SVOPL: variants seen among roughly 807,000 people sequenced by gnomAD.
The protein encoded by SVOPL is SVOP like.
A neutral mutation model predicts 61.0 loss-of-function variants in SVOPL; 60 were observed. The ratio of observed to expected loss-of-function variants is 0.98; its 90% CI spans 0.80 to 1.22. The LOEUF (loss-of-function observed/expected upper bound fraction) is 1.22, where lower values mean the gene tolerates loss of function less well. Among genes scored for constraint, SVOPL ranks in the 50% most tolerant of loss-of-function variants. The probability of loss-of-function intolerance (pLI) is 0.00; values close to 1 mark genes in which losing one functional copy is unlikely to be tolerated. For synonymous variants in SVOPL, 279 were observed against 250.0 expected (o/e 1.12, Z -1.09); for missense variants, 662 against 643.9 (o/e 1.03, Z -0.30).
chr7:138,644,938 C>T, intron 8 of SVOPL, 93 bp from the exon 9 acceptor site: 1 of 1,491,060 alleles, frequency 6.7e-7, no homozygotes, highest in Non-Finnish European at 9.2e-7. Context: ...GTCCTAGTTT[C>T]CCAAGATAGG....
intron 4 of SVOPL, among the ~76,000 whole-genome samples, chr7:138,663,917 C>A (rs1802127783): frequency 1.3e-5 from 2 of 152,118 alleles, no homozygotes; most frequent in Admixed American, 1.3e-4. Flanking sequence ...TGCTTTTTTT[C>A]TCCTTCCTTC....
rs867578648 is a variant in SVOPL, at chr7:138,622,274, C to G, written c.1264-1139G>C. ...TCTATGTATCTATCTATCTATGTAT[C>G]TATCTATCTATCTATCTATCTATCT... On this transcript the variant is annotated intron_variant, in intron 13 of 15. Transcript: ENST00000674285. Among the ~76,000 whole-genome samples the G allele has an allele frequency of 6.1e-4, 63 of 103,540 alleles. 1 individual carries two copies. Among genetic ancestry groups the G allele is most frequent in the East Asian group, 1.7e-3 (7 of 4,110 alleles). The allele number at this position is 103,540 out of a possible 152,430, so 67.9% of individuals were successfully genotyped here.
At chr7:138,621,822 G>GTATCTATGTATCTATCTATGTATCTATC (rs1563095368) in intron 13 of SVOPL, among the ~76,000 whole-genome samples, 3 of 13,430 alleles carry the variant, frequency 2.2e-4, no homozygotes, top group Non-Finnish European at 4.2e-4. Context: ...ATGTATCTAT[G>GTATCTATGTATCTATCTATGTATCTATC]TATCTATGTA....
chr7:138,622,134 C>CTATG (rs1563096350), intron 13 of SVOPL, among the ~76,000 whole-genome samples: 45 of 72,524 alleles, frequency 6.2e-4, no homozygotes, highest in Non-Finnish European at 1.1e-3. Flanking sequence ...ATCTATCTAT[C>CTATG]TATGTATCTA....
intron 14 of SVOPL, among the ~76,000 whole-genome samples, chr7:138,599,159 C>CAAAAAAAAAAAAAAA (rs1336279820): frequency 2.4e-5 from 2 of 82,736 alleles, no homozygotes; most frequent in Admixed American, 1.2e-4. Context: ...AAAAAAAAAC[C>CAAAAAAAAAAAAAAA]AAAAAAAAAA....
chr7:138,621,098 G>A lies in SVOPL; in HGVS notation c.1301C>T (p.Thr434Ile). 6.2e-7 allele frequency: 1 copy of A among 1,613,738 alleles called. No individual in the cohort carries two copies. The highest frequency in any genetic ancestry group is 8.5e-7 in the Non-Finnish European group (1 of 1,179,884). The part of the protein sequence containing the change: ...PTTMRALGMG[T>I]SGSLCRIGAM... ...ACCAATGCGACACAGGGAGCCGCTG[G>A]TTCCCATCCCCAAAGCGCGCATCGT... Residue 434 changes from threonine to isoleucine, a missense_variant, in exon 14 of 16, where the codon ACC (threonine) becomes ATC (isoleucine). Coordinates refer to ENST00000674285, the MANE Select transcript of SVOPL (RefSeq NM_001139456.2).
At chr7:138,650,501 C>T (rs6956225) in intron 7 of SVOPL, among the ~76,000 whole-genome samples, 27,518 of 151,132 alleles carry the variant, frequency 0.18, 2,866 homozygotes, top group African/African-American at 0.27. Flanking sequence ...GTTAAGGAGG[C>T]GCTCTAGGTT....
chr7:138,596,935 C>T (rs1798304269), intron 14 of SVOPL: 1 of 1,118,592 alleles, frequency 8.9e-7, no homozygotes. Context: ...TCTCTTCAGT[C>T]CTGACAGCAT....
chr7:138,664,575 C>T (rs1199749068), intron 4 of SVOPL, among the ~76,000 whole-genome samples: 6 of 150,104 alleles, frequency 4.0e-5, no homozygotes, highest in Middle Eastern at 3.2e-3. Context: ...AACCCTCCAG[C>T]GCCTTTAATC....
rs1012886482 is a variant in SVOPL at position 138,637,271 on chromosome 7, T to C, written c.790-7149A>G. Among the ~76,000 whole-genome samples the C allele has an allele frequency of 3.3e-5, 5 of 151,628 alleles. No homozygotes were observed. In the Admixed American group the frequency reaches 3.3e-4, roughly 10 times the overall value. ...GGTGAAACCCCAACTCTACTAAAAA[T>C]ACAAAAATTAGTTAGGTGTGGTGGT... On this transcript the variant is annotated intron_variant, in intron 9 of 15. Transcript: ENST00000674285.
intron 14 of SVOPL, among the ~76,000 whole-genome samples, chr7:138,600,322 G>A (rs1190413824): frequency 6.6e-6 from 1 of 152,186 alleles, no homozygotes; most frequent in African/African-American, 2.4e-5. Flanking sequence ...CCCTGGCCAG[G>A]CACAGTGGCT....
At chr7:138,670,260 G>A (rs767266583) in intron 4 of SVOPL, among the ~76,000 whole-genome samples, 25 of 152,064 alleles carry the variant, frequency 1.6e-4, no homozygotes, top group Non-Finnish European at 2.5e-4. Flanking sequence ...CCTTTATAAA[G>A]TAATAAAAGG....
At chr7:138,670,338 C>T (rs1386136971) in intron 4 of SVOPL, among the ~76,000 whole-genome samples, 1 of 152,196 alleles carries the variant, frequency 6.6e-6, no homozygotes, top group African/African-American at 2.4e-5. Flanking sequence ...TTACCAGCCA[C>T]TTTCCAGCCT....
chr7:138,626,169 G>A, intron 12 of SVOPL, 119 bp from the exon 13 acceptor site: 1 of 954,548 alleles, frequency 1.0e-6, no homozygotes, highest in African/African-American at 1.6e-5. Flanking sequence ...CAGAACCCGA[G>A]GGAGGTGCTG....
chr7:138,664,770 C>T (rs1264596755), intron 4 of SVOPL, among the ~76,000 whole-genome samples: 6 of 130,292 alleles, frequency 4.6e-5, no homozygotes, highest in Non-Finnish European at 1.0e-4. Context: ...CTCCCCCGCA[C>T]GCTGCTGCTG....
intron 8 of SVOPL, among the ~76,000 whole-genome samples, chr7:138,647,161 G>A (rs1801159028): frequency 6.6e-6 from 1 of 152,172 alleles, no homozygotes; most frequent in Non-Finnish European, 1.5e-5. Context: ...AGATCACGAG[G>A]TCAGGAGGTT....
At chr7:138,656,352 G>C (rs77018123) in intron 7 of SVOPL, 96 bp downstream of exon 7, 19,374 of 1,245,014 alleles carry the variant, frequency 0.016, 273 homozygotes, top group South Asian at 0.06. Context: ...ATTGCAGCGA[G>C]CTGGTACCAA....
intron 8 of SVOPL, among the ~76,000 whole-genome samples, chr7:138,647,373 C>T (rs541249450): frequency 2.1e-4 from 32 of 150,200 alleles, no homozygotes; most frequent in African/African-American, 7.4e-4. Context: ...AAGAGTGAAA[C>T]GCCATCTCAA....
chr7:138,667,512 T>A (rs1405947594), intron 4 of SVOPL, among the ~76,000 whole-genome samples: 4 of 152,226 alleles, frequency 2.6e-5, no homozygotes, highest in Admixed American at 2.6e-4. Context: ...GCATAATTGA[T>A]GCTTCCTTTA....
Sources: allele counts gnomAD v4.1 joint callset (sites outside exome capture counted in the v4.1 genomes callset), GRCh38; gene constraint gnomAD v4.1.1; transcripts MANE v1.5; gene names NCBI Gene and HGNC (gene_info 2026-07-23, HGNC 2026-07-21).